LOC128462377: variants seen among roughly 807,000 people sequenced by gnomAD.
chr16:89,391,333 G>A, the LOC128462377 span, among the ~76,000 whole-genome samples: 1 of 152,158 alleles, frequency 6.6e-6, no homozygotes, highest in East Asian at 1.9e-4. Context: ...AGGGCTTGCG[G>A]TGGGTGCTGG....
the LOC128462377 span, among the ~76,000 whole-genome samples, chr16:89,374,327 T>C: frequency 6.7e-6 from 1 of 149,814 alleles, no homozygotes; most frequent in Non-Finnish European, 1.5e-5. Flanking sequence ...TGGCTCACCA[T>C]GTGTTTTTGT....
chr16:89,322,374 C>T, the LOC128462377 span, among the ~76,000 whole-genome samples: 1 of 152,076 alleles, frequency 6.6e-6, no homozygotes, highest in African/African-American at 2.4e-5. Flanking sequence ...TGCTCCTCTC[C>T]TTATGTAAGT....
At chr16:89,368,656 C>G in the LOC128462377 span, among the ~76,000 whole-genome samples, 2,001 of 150,500 alleles carry the variant, frequency 0.013, 41 homozygotes, top group African/African-American at 0.045. Context: ...ATCTGTAATC[C>G]CAACATTTTG....
chr16:89,335,536 A>G, the LOC128462377 span, among the ~76,000 whole-genome samples: 1 of 152,304 alleles, frequency 6.6e-6, no homozygotes, highest in East Asian at 1.9e-4. Context: ...ACTCCCATGA[A>G]AGCCTGTGCG....
chr16:89,326,840 A>C, the LOC128462377 span, among the ~76,000 whole-genome samples: 1 of 152,230 alleles, frequency 6.6e-6, no homozygotes, highest in African/African-American at 2.4e-5. Context: ...AAAGGGGCTT[A>C]ACACAAAGCC....
the LOC128462377 span, among the ~76,000 whole-genome samples, chr16:89,348,454 G>A: frequency 1.3e-5 from 2 of 152,152 alleles, no homozygotes; most frequent in Admixed American, 6.5e-5. Context: ...GTATCAAGGT[G>A]TCCCTGACTC....
At chr16:89,354,423 G>A in the LOC128462377 span, among the ~76,000 whole-genome samples, 2 of 152,178 alleles carry the variant, frequency 1.3e-5, no homozygotes, top group East Asian at 1.9e-4. Context: ...GCAGCAGTGA[G>A]GTCCACTATG....
At chr16:89,342,502 G>A in the LOC128462377 span, among the ~76,000 whole-genome samples, 140 of 152,344 alleles carry the variant, frequency 9.2e-4, 1 homozygote, top group East Asian at 3.9e-4. Flanking sequence ...GGCAGGGAGA[G>A]GCCAGCGTGA....
At chr16:89,334,536 C>A in the LOC128462377 span, among the ~76,000 whole-genome samples, 1 of 152,152 alleles carries the variant, frequency 6.6e-6, no homozygotes. Flanking sequence ...AAACACCCCA[C>A]CCATGTGGGC....
the LOC128462377 span, among the ~76,000 whole-genome samples, chr16:89,415,829 C>CAAAAAAAAAAAAAAAAAAAA: frequency 0.02 from 798 of 39,646 alleles, 77 homozygotes; most frequent in Non-Finnish European, 0.025. Context: ...GACTCTGTCT[C>CAAAAAAAAAAAAAAAAAAAA]AAAAAAAAAA....
the LOC128462377 span, among the ~76,000 whole-genome samples, chr16:89,319,815 AT>A: frequency 6.6e-6 from 1 of 152,206 alleles, no homozygotes; most frequent in African/African-American, 2.4e-5. Context: ...GTCTTTTTCA[AT>A]GAGAGACCAG....
At chr16:89,390,995 G>A in the LOC128462377 span, among the ~76,000 whole-genome samples, 5 of 152,230 alleles carry the variant, frequency 3.3e-5, no homozygotes, top group East Asian at 9.7e-4. Context: ...TTGGGAGGCC[G>A]AGGTGGGTGG....
At chr16:89,384,669 G>C in the LOC128462377 span, among the ~76,000 whole-genome samples, 12 of 152,090 alleles carry the variant, frequency 7.9e-5, 1 homozygote, top group Admixed American at 7.9e-4. Flanking sequence ...GAGCTGCGAA[G>C]ACACAAACTA....
At chr16:89,358,034 C>A in the LOC128462377 span, among the ~76,000 whole-genome samples, 1 of 152,230 alleles carries the variant, frequency 6.6e-6, no homozygotes, top group Admixed American at 6.5e-5. Context: ...AAAGACTGAA[C>A]CCTCTTACTG....
the LOC128462377 span, among the ~76,000 whole-genome samples, chr16:89,418,058 T>G: frequency 6.6e-6 from 1 of 152,214 alleles, no homozygotes. Context: ...TCAGCAGATT[T>G]CTTCTCACTG....
the LOC128462377 span, among the ~76,000 whole-genome samples, chr16:89,337,732 G>T: frequency 6.6e-6 from 1 of 152,128 alleles, no homozygotes; most frequent in Admixed American, 6.5e-5. Context: ...AAGCCACTGT[G>T]CCCGGCCTGG....
At chr16:89,355,679 A>C in the LOC128462377 span, among the ~76,000 whole-genome samples, 1 of 152,192 alleles carries the variant, frequency 6.6e-6, no homozygotes, top group African/African-American at 2.4e-5. Flanking sequence ...AATAAGTAAA[A>C]CAAGAAAAAA....
the LOC128462377 span, among the ~76,000 whole-genome samples, chr16:89,351,808 C>T: frequency 6.6e-6 from 1 of 152,376 alleles, no homozygotes; most frequent in East Asian, 1.9e-4. Context: ...TGTTCTAGAA[C>T]TGACAGTCCT....
the LOC128462377 span, among the ~76,000 whole-genome samples, chr16:89,379,103 C>A: frequency 6.6e-6 from 1 of 152,218 alleles, no homozygotes; most frequent in African/African-American, 2.4e-5. Flanking sequence ...TGCGGACCAG[C>A]CCCAGGAAGG....
Sources: gnomAD v4.1 joint callset for allele counts (sites outside exome capture counted in the v4.1 genomes callset) on GRCh38, gnomAD v4.1.1 for gene constraint, MANE v1.5 for transcripts.